Variants in MAP3K12 observed in about 807,000 individuals in gnomAD.
MAP3K12 encodes the protein mitogen-activated protein kinase kinase kinase 12, also known as MAPK-upstream kinase.
A neutral mutation model predicts 87.5 loss-of-function variants in MAP3K12; 14 were observed. The ratio of observed to expected loss-of-function variants is 0.16; its 90% CI spans 0.11 to 0.25. The LOEUF is 0.25. MAP3K12 is among the 10% of genes least tolerant of loss of function. The pLI, the probability that MAP3K12 is intolerant of heterozygous loss-of-function variation, is 1.00. For missense variants in MAP3K12, 802 were observed against 1,140.4 expected (o/e 0.70, Z 4.27); for synonymous variants, 469 against 452.5 (o/e 1.04, Z -0.46).
rs1317790800 is a variant in MAP3K12, at chr12:53,480,230, AAACTAAAAATTTC to A, written c.*939_*951del. Reference sequence around the variant, plus strand: ...CCCCTTGTTCAGGCTTGCATATTTTAAACTAAAAATTTCAGTCTATTGTTTTTAGTAACTTCAT... The same window carrying A: ...CCCCTTGTTCAGGCTTGCATATTTTAAGTCTATTGTTTTTAGTAACTTCAT... On this transcript the variant is annotated 3_prime_UTR_variant, in exon 14 of 14. Transcript: ENST00000547488. The A allele has an allele frequency of 6.6e-6, 1 of 152,172 alleles. No homozygotes were observed. The highest frequency in any genetic ancestry group is 2.4e-5 in the African/African-American group (1 of 41,444). The allele number at this position is 152,172 out of a possible 1,614,324, so 9.4% of individuals were successfully genotyped here.
intron 1 of MAP3K12, among the ~76,000 whole-genome samples, chr12:53,491,938 G>A (rs1943420319): frequency 6.6e-6 from 1 of 151,686 alleles, no homozygotes; most frequent in Non-Finnish European, 1.5e-5. Context: ...AGCTGGGCGT[G>A]GTGGCGCATG....
rs894891212 is a variant in MAP3K12, at chr12:53,481,099, T to G, written c.*83A>C. ...GGGACAGCCCCATCTTTCTGTTGAT[T>G]ATGTGGCGCATATATATATATATAT... On this transcript the variant is annotated 3_prime_UTR_variant, in exon 14 of 14. Coordinates refer to ENST00000547488, the MANE Select transcript of MAP3K12 (RefSeq NM_001193511.2). The G allele has an allele frequency of 7.8e-5, 46 of 591,068 alleles. No homozygotes were observed. The highest frequency in any genetic ancestry group is 1.0e-4 in the Non-Finnish European group (44 of 436,622). 36.6% of individuals were successfully genotyped at this position (591,068 alleles called of 1,614,324 possible). A position where few individuals can be genotyped will look rare whatever the true frequency, so the allele number is the denominator to read the frequency against.
In MAP3K12 at chr12:53,482,404, G is replaced by T. The variant is rs374430120; in HGVS notation, c.2239-35C>A. 4.3e-6 allele frequency: 7 copies of T among 1,611,402 alleles called. No homozygotes were observed. The African/African-American group carries it at 6.7e-5, about 15-fold the overall frequency. ...AGATGGGGTGGGGGGGGTCTGATTAGAAGTGGAAAGAGGTCACTAAGAATC... is the reference window on the plus strand; with the variant it reads ...AGATGGGGTGGGGGGGGTCTGATTATAAGTGGAAAGAGGTCACTAAGAATC... On this transcript the variant is annotated intron_variant, in intron 11 of 13. Transcript: ENST00000547488.
chr12:53,495,935 C>T (rs1171952285), intron 1 of MAP3K12, among the ~76,000 whole-genome samples: 3 of 152,024 alleles, frequency 2.0e-5, no homozygotes, highest in Non-Finnish European at 4.4e-5. Context: ...AGGGACAGTA[C>T]TATTTAGGAA....
In MAP3K12 at chr12:53,480,688, G is replaced by T. The variant is rs1285237771; in HGVS notation, c.*494C>A. On this transcript the variant is annotated 3_prime_UTR_variant, in exon 14 of 14. Transcript: ENST00000547488. ...AGGGCTTGGGCAGAGAAGATAAATG[G>T]TGGGACAAAAAAATGAGTTACATTG... is the stretch of plus-strand genomic sequence containing the variant. 6.6e-6 allele frequency: 1 copy of T among 152,492 alleles called. No individual in the cohort carries two copies. The highest frequency in any genetic ancestry group is 1.5e-5 in the Non-Finnish European group (1 of 68,034). 9.4% of individuals were successfully genotyped at this position (152,492 alleles called of 1,614,324 possible).
Position 53,482,374 on chromosome 12 carries a change from A to G in MAP3K12, c.2239-5T>C. ...TTCCGATGAGATGCCACGTTTCTGC[A>G]GGAGAGATGGGGTGGGGGGGGTCTG... On this transcript the variant is annotated splice_polypyrimidine_tract_variant and splice_region_variant and intron_variant, in intron 11 of 13. Coordinates refer to ENST00000547488, the MANE Select transcript of MAP3K12 (RefSeq NM_001193511.2). The G allele has an allele frequency of 6.2e-7, 1 of 1,612,468 alleles. No individual in the cohort carries two copies. Among genetic ancestry groups the G allele is most frequent in the East Asian group, 2.2e-5 (1 of 44,868 alleles).
chr12:53,485,225 G>A lies in MAP3K12; in HGVS notation c.981-11C>T. The A allele has an allele frequency of 6.2e-7, 1 of 1,606,816 alleles. No individual in the cohort carries two copies. Among genetic ancestry groups the A allele is most frequent in the South Asian group, 1.1e-5 (1 of 89,970 alleles). On this transcript the variant is annotated splice_polypyrimidine_tract_variant and intron_variant, in intron 5 of 13. Coordinates refer to ENST00000547488, the MANE Select transcript of MAP3K12 (RefSeq NM_001193511.2). ...ACCACGCCAAAGGACCTAGGGATGA[G>A]GGGACATCACTTGTGCTCAAGCCCT... is the stretch of plus-strand genomic sequence containing the variant.
chr12:53,491,301 A>AAAAAAAAAAAAGAAAAG (rs796169121), intron 1 of MAP3K12, among the ~76,000 whole-genome samples: 12 of 101,598 alleles, frequency 1.2e-4, no homozygotes, highest in African/African-American at 2.3e-4. Context: ...AAAAAAAAAA[A>AAAAAAAAAAAAGAAAAG]AAAAGAAAAG....
Position 53,481,994 on chromosome 12 carries a change from C to A in MAP3K12, c.2527G>T (p.Gly843Cys). The change falls in exon 13 of 14, where the codon GGC becomes TGC. Residue 843 changes from glycine to cysteine, a missense_variant. By Grantham distance (159) the Gly-to-Cys change is radical. Coordinates refer to ENST00000547488, the MANE Select transcript of MAP3K12 (RefSeq NM_001193511.2). The part of the protein sequence containing the change: ...LDPPPSEVIP[G>C]PEPSSLPIPH... Reference sequence around the variant, plus strand: ...ATGGGCAGGGAGCTGGGTTCAGGGCCAGGGATGACCTCTGAAGGAGGTGGG... The same window carrying A: ...ATGGGCAGGGAGCTGGGTTCAGGGCAAGGGATGACCTCTGAAGGAGGTGGG... 1 of 1,614,124 alleles carries A rather than the reference C, an allele frequency of 6.2e-7. No homozygotes were observed. Among genetic ancestry groups the A allele is most frequent in the Non-Finnish European group, 8.5e-7 (1 of 1,180,028 alleles).
In MAP3K12 at chr12:53,482,314, A is replaced by G; in HGVS notation, c.2294T>C (p.Leu765Pro). The change falls in exon 12 of 14, where the codon CTG (leucine) becomes CCG (proline). Residue 765 changes from leucine to proline, a missense_variant. By Grantham distance (98) the Leu-to-Pro change is moderately conservative (BLOSUM62 -3). Around this residue, in one of 5 missense-constraint regions of MAP3K12, gnomAD observed 490 missense variants for 496.6 expected, o/e 0.99. Transcript: ENST00000547488. The part of the protein sequence containing the change: ...EEGEVDSEVE[L>P]TSSQRWPQSL... Reference sequence around the variant, plus strand: ...CATCACTTACCTCTGGCTTGATGTCAGCTCTACTTCACTGTCTACCTCTCC... The same window carrying G: ...CATCACTTACCTCTGGCTTGATGTCGGCTCTACTTCACTGTCTACCTCTCC... 6.2e-7 allele frequency: 1 copy of G among 1,614,106 alleles called. No individual in the cohort carries two copies. The highest frequency in any genetic ancestry group is 8.5e-7 in the Non-Finnish European group (1 of 1,180,020).
At position 53,485,308 on chromosome 12, in the gene MAP3K12, A is replaced by G; in HGVS notation, c.980+9T>C. ...ACCCACTCTTCTCAGTTTTCAGCCTAGTTCTCACCAGATGTCGACCTTCTC... is the reference window on the plus strand; with the variant it reads ...ACCCACTCTTCTCAGTTTTCAGCCTGGTTCTCACCAGATGTCGACCTTCTC... On this transcript the variant is annotated intron_variant, in intron 5 of 13. Coordinates refer to ENST00000547488, the MANE Select transcript of MAP3K12 (RefSeq NM_001193511.2). The G allele has an allele frequency of 6.2e-7, 1 of 1,612,486 alleles. No homozygotes were observed. Among genetic ancestry groups the G allele is most frequent in the African/African-American group, 1.3e-5 (1 of 75,044 alleles).
intron 1 of MAP3K12, among the ~76,000 whole-genome samples, chr12:53,488,947 G>A (rs1489697163): frequency 1.3e-5 from 2 of 151,306 alleles, no homozygotes; most frequent in Admixed American, 1.3e-4. Flanking sequence ...GGGCGTGGTG[G>A]TGGATGCCTG....
intron 1 of MAP3K12, among the ~76,000 whole-genome samples, chr12:53,491,301 A>AAAAAAAAAAAAAAGAAAAAG (rs796169121): frequency 3.0e-4 from 30 of 101,554 alleles, no homozygotes; most frequent in South Asian, 1.0e-3. Context: ...AAAAAAAAAA[A>AAAAAAAAAAAAAAGAAAAAG]AAAAGAAAAG....
upstream of MAP3K12, chr12:53,501,380 C>G: frequency 6.4e-7 from 1 of 1,555,210 alleles, no homozygotes; most frequent in Non-Finnish European, 8.7e-7. Flanking sequence ...GCTGCAGTCA[C>G]GGTGGCGCCC....
intron 7 of MAP3K12, 99 bp from the exon 8 acceptor site, chr12:53,484,119 A>G: frequency 1.4e-6 from 2 of 1,406,648 alleles, no homozygotes; most frequent in Non-Finnish European, 2.0e-6. Flanking sequence ...TGCTGGAGCA[A>G]AAAGGAGTGG....
At chr12:53,489,199 C>T (rs1943333576) in intron 1 of MAP3K12, among the ~76,000 whole-genome samples, 1 of 151,980 alleles carries the variant, frequency 6.6e-6, no homozygotes, top group Admixed American at 6.6e-5. Context: ...CATGGTGATC[C>T]TGTGACTGTG....
intron 4 of MAP3K12, 69 bp downstream of exon 4, chr12:53,485,987 G>C: frequency 6.8e-7 from 1 of 1,463,820 alleles, no homozygotes; most frequent in Non-Finnish European, 9.3e-7. Flanking sequence ...TTGGAAGCCG[G>C]GAGAAGGCCA....
At position 53,486,027 on chromosome 12, in the gene MAP3K12, C is replaced by T. The variant is rs372104248; in HGVS notation, c.821+29G>A. 8.2e-6 allele frequency: 13 copies of T among 1,575,920 alleles called. No homozygotes were observed. In the African/African-American group the frequency reaches 1.7e-4, roughly 21 times the overall value. ...GACTTGAGTGGGTCACCTGCATGCA[C>T]ATCTGTTGCTCCCTGCTTGCTTACT... On this transcript the variant is annotated intron_variant, in intron 4 of 13. Coordinates refer to ENST00000547488, the MANE Select transcript of MAP3K12 (RefSeq NM_001193511.2). The surrounding 1 kb of genome is among the most constrained non-coding windows in gnomAD (Gnocchi z 4.9).
chr12:53,497,769 T>G (rs949344821), intron 1 of MAP3K12, among the ~76,000 whole-genome samples: 1 of 152,058 alleles, frequency 6.6e-6, no homozygotes, highest in Non-Finnish European at 1.5e-5. Flanking sequence ...GTAGGGGTGA[T>G]CTCCAGTCCA....
Sources: gnomAD v4.1 joint callset for allele counts (sites outside exome capture counted in the v4.1 genomes callset) on GRCh38, gnomAD v4.1.1 for gene constraint, gnomAD v4.1.1 regional missense constraint, Gnocchi (gnomAD v3.1) non-coding constraint, MANE v1.5 for transcripts, NCBI Gene and HGNC (gene_info 2026-07-23, HGNC 2026-07-21) for gene names.